EPYC: variants seen among roughly 807,000 people sequenced by gnomAD.
EPYC encodes the protein epiphycan, also known as dermatan sulfate proteoglycan 3.
EPYC carries 28 observed loss-of-function variants against 30.1 expected under a neutral mutation model. The observed-to-expected ratio is 0.93, with a 90% confidence interval of 0.69 to 1.28. The LOEUF (loss-of-function observed/expected upper bound fraction) is 1.28, where lower values mean the gene tolerates loss of function less well. Ranked by LOEUF, EPYC falls within the 50% of genes most tolerant of loss-of-function variation. The pLI, the probability that EPYC is intolerant of heterozygous loss-of-function variation, is 0.00. For synonymous variants in EPYC, 144 were observed against 141.4 expected (o/e 1.02, Z -0.13); for missense variants, 382 against 383.5 (o/e 1.00, Z 0.03).
Position 90,964,200 on chromosome 12 carries a change from C to T in EPYC, c.925G>A (p.Ala309Thr). 6.2e-7 allele frequency: 1 copy of T among 1,613,370 alleles called. No individual in the cohort carries two copies. Among genetic ancestry groups the T allele is most frequent in the Non-Finnish European group, 8.5e-7 (1 of 1,179,512 alleles). ...NPINLSKTPQ[A>T]YMCLPRLPVG... ...GGCAGACGAGGTAGACACATGTATG[C>T]TTGAGGAGTTTTGCTGAGATTAATA... The change falls in exon 7 of 7, where the codon GCA becomes ACA. Residue 309 changes from alanine (A) to threonine (T), a missense_variant. Ala to Thr is a moderately conservative substitution (Grantham distance 58, BLOSUM62 0). Transcript: ENST00000261172.
At chr12:90,978,331 A>C in intron 2 of EPYC, 69 bp from the exon 3 acceptor site, 1 of 1,460,738 alleles carries the variant, frequency 6.8e-7, no homozygotes, top group Non-Finnish European at 9.1e-7. Flanking sequence ...GCAGTGACAC[A>C]AATTTAAAAT....
intron 2 of EPYC, among the ~76,000 whole-genome samples, chr12:90,986,922 C>A (rs1877460747): frequency 6.6e-6 from 1 of 151,636 alleles, no homozygotes; most frequent in Non-Finnish European, 1.5e-5. Context: ...TCTTTTTTTT[C>A]CCCATTATAC....
chr12:90,965,053 A>G (rs1323586822), intron 6 of EPYC, among the ~76,000 whole-genome samples: 6 of 151,972 alleles, frequency 3.9e-5, no homozygotes, highest in Admixed American at 3.9e-4. Flanking sequence ...CTGCTAATCT[A>G]TTTTCTTTTT....
rs146300699 is a variant in EPYC at position 90,985,428 on chromosome 12, G to C, written c.166-7166C>G. Among the ~76,000 whole-genome samples, 37 of 152,142 alleles carry C rather than the reference G, an allele frequency of 2.4e-4. No individual in the cohort carries two copies. The East Asian group carries it at 6.6e-3, about 27-fold the overall frequency. On this transcript the variant is annotated intron_variant, in intron 2 of 6. Transcript: ENST00000261172. ...GGAGAAAGCTCCAAAAGCGAGCCCTGGGCCCAGAACAAAATCTGGAGGCAT... is the reference window on the plus strand; with the variant it reads ...GGAGAAAGCTCCAAAAGCGAGCCCTCGGCCCAGAACAAAATCTGGAGGCAT...
At chr12:90,979,753 T>C (rs1199671733) in intron 2 of EPYC, among the ~76,000 whole-genome samples, 1 of 152,158 alleles carries the variant, frequency 6.6e-6, no homozygotes, top group Non-Finnish European at 1.5e-5. Context: ...CTTTTATCTG[T>C]GTACCTCTAG....
At chr12:91,004,214 A>G (rs542023305) in intron 1 of EPYC, among the ~76,000 whole-genome samples, 1 of 152,116 alleles carries the variant, frequency 6.6e-6, no homozygotes, top group Non-Finnish European at 1.5e-5. Context: ...ATTCAAAGAA[A>G]TTATACACTT....
rs773644509 is a variant in EPYC at position 90,978,294 on chromosome 12, A to T, written c.166-32T>A. The T allele has an allele frequency of 4.5e-6, 7 of 1,563,044 alleles. No homozygotes were observed. The Admixed American group carries it at 6.1e-5, about 14-fold the overall frequency. On this transcript the variant is annotated intron_variant, in intron 2 of 6. Coordinates refer to ENST00000261172, the MANE Select transcript of EPYC (RefSeq NM_004950.5). ...AAAAAAAAAAAAAGAGAATTTCTTC[A>T]GGCCAACTTCTCAGTCACTCTGTGT...
chr12:90,981,750 A>G (rs955628639), intron 2 of EPYC, among the ~76,000 whole-genome samples: 2 of 152,128 alleles, frequency 1.3e-5, no homozygotes, highest in Non-Finnish European at 1.5e-5. Context: ...CTTTTAGTAC[A>G]TATTTCTTGT....
chr12:90,975,234 T>C (rs1877153516), intron 3 of EPYC, among the ~76,000 whole-genome samples: 1 of 152,042 alleles, frequency 6.6e-6, no homozygotes, highest in African/African-American at 2.4e-5. Flanking sequence ...ATTTTAAGAG[T>C]TAAGGCATTT....
At chr12:90,982,112 A>G (rs1374685952) in intron 2 of EPYC, among the ~76,000 whole-genome samples, 2 of 152,096 alleles carry the variant, frequency 1.3e-5, no homozygotes, top group Admixed American at 6.5e-5. Context: ...TTTATTTGTC[A>G]ATGTTGTTTT....
chr12:90,967,079 T>A (rs777544766), intron 6 of EPYC, among the ~76,000 whole-genome samples: 66 of 152,064 alleles, frequency 4.3e-4, no homozygotes, highest in Non-Finnish European at 8.2e-4. Context: ...GTTTTGTTTC[T>A]CCATTATTTT....
intron 6 of EPYC, among the ~76,000 whole-genome samples, chr12:90,966,891 T>C (rs901172281): frequency 6.6e-6 from 1 of 152,152 alleles, no homozygotes; most frequent in East Asian, 1.9e-4. Context: ...TCTGTTCATT[T>C]AATCTAATTT....
Position 91,004,249 on chromosome 12 carries a change from C to G in EPYC, c.-14+698G>C, listed in dbSNP as rs78180380. 2.4e-4 allele frequency among the ~76,000 whole-genome samples: 37 copies of G among 152,186 alleles called. No individual in the cohort carries two copies. In the East Asian group the frequency reaches 7.2e-3, roughly 30 times the overall value. On this transcript the variant is annotated intron_variant, in intron 1 of 6. Transcript: ENST00000261172. Reference sequence around the variant, plus strand: ...TGCTGGCCTTTTTTCTCACATCATACTATATTTGATTACATATAGCTACAT... The same window carrying G: ...TGCTGGCCTTTTTTCTCACATCATAGTATATTTGATTACATATAGCTACAT...
chr12:90,975,916 A>G (rs1877167295), intron 3 of EPYC, among the ~76,000 whole-genome samples: 1 of 152,134 alleles, frequency 6.6e-6, no homozygotes, highest in South Asian at 2.1e-4. Context: ...TTATTGGTCT[A>G]TGTTGCATTC....
intron 2 of EPYC, among the ~76,000 whole-genome samples, chr12:90,995,588 A>G (rs1008201935): frequency 6.6e-6 from 1 of 151,932 alleles, no homozygotes; most frequent in Non-Finnish European, 1.5e-5. Context: ...AGTTATCCTT[A>G]TCAAATGGTT....
chr12:90,998,718 T>C (rs969991384), intron 2 of EPYC, among the ~76,000 whole-genome samples: 1 of 152,162 alleles, frequency 6.6e-6, no homozygotes, highest in African/African-American at 2.4e-5. Flanking sequence ...TTGTTTTAAT[T>C]TTTTCATGCT....
chr12:90,998,447 A>C (rs1920754), intron 2 of EPYC, among the ~76,000 whole-genome samples: 123,768 of 151,976 alleles, frequency 0.81, 50,698 homozygotes, highest in Non-Finnish European at 0.87. Context: ...TCACACAAAT[A>C]ATCAGTTTGA....
chr12:90,977,368 A>G (rs1877211655), intron 3 of EPYC, among the ~76,000 whole-genome samples: 1 of 152,188 alleles, frequency 6.6e-6, no homozygotes, highest in Admixed American at 6.6e-5. Flanking sequence ...CTCATTAACT[A>G]AAAGGCTCTG....
chr12:91,002,264 G>A, intron 2 of EPYC, 137 bp downstream of exon 2: 1 of 570,642 alleles, frequency 1.8e-6, no homozygotes, highest in South Asian at 2.5e-5. Context: ...ATGTTTTGGA[G>A]AAAAGGTTAA....
Sources: allele counts gnomAD v4.1 joint callset (sites outside exome capture counted in the v4.1 genomes callset), GRCh38; gene constraint gnomAD v4.1.1; transcripts MANE v1.5; gene names NCBI Gene and HGNC (gene_info 2026-07-23, HGNC 2026-07-21).